CCDC60: variants seen among roughly 807,000 people sequenced by gnomAD.
CCDC60 encodes the protein coiled-coil domain containing 60, also known as coiled-coil domain-containing protein 60.
A neutral mutation model predicts 63.5 loss-of-function variants in CCDC60; 54 were observed. That is an observed-to-expected ratio of 0.85 (90% confidence interval 0.68 to 1.07). The LOEUF (loss-of-function observed/expected upper bound fraction) is 1.07, where lower values mean the gene tolerates loss of function less well. Among genes scored for constraint, CCDC60 ranks in the 50% least tolerant of loss-of-function variants. The pLI is 0.00. For synonymous variants in CCDC60, 206 were observed against 238.8 expected (o/e 0.86, Z 1.27); for missense variants, 651 against 684.3 (o/e 0.95, Z 0.54).
chr12:119,417,309 G>A (rs1247851656), intron 1 of CCDC60, among the ~76,000 whole-genome samples: 2 of 152,230 alleles, frequency 1.3e-5, no homozygotes, highest in East Asian at 1.9e-4. Context: ...AACAAATAGC[G>A]ATTTGGTCCC....
In CCDC60 at chr12:119,528,725, C is replaced by G. The variant is rs771471436; in HGVS notation, c.1340C>G (p.Ala447Gly). 1.9e-6 allele frequency: 3 copies of G among 1,613,524 alleles called. No homozygotes were observed. The highest frequency in any genetic ancestry group is 2.5e-6 in the Non-Finnish European group (3 of 1,179,744). Residue 447 changes from alanine (A) to glycine (G), a missense_variant, in exon 12 of 14, where the codon GCA (alanine) becomes GGA (glycine). Physicochemically the swap from Ala to Gly is moderately conservative, Grantham distance 60. Transcript: ENST00000327554. ...RHHISVVKGDAEEIADHWYFD... is the reference protein window; with the variant it reads ...RHHISVVKGDGEEIADHWYFD... ...CACATATCTGTAGTAAAAGGAGATG[C>G]AGAAGAAATTGCAGACCACTGGTAA...
rs867985313 is a variant in CCDC60, at chr12:119,431,706, T to C, written c.170+2944T>C. On this transcript the variant is annotated intron_variant, in intron 2 of 13. Transcript: ENST00000327554. ...GTTTGTTTTTTGTTTTGAGACAGAGTCTCGCTCTGTTGCCCAGGCTGGCGT... is the reference window on the plus strand; with the variant it reads ...GTTTGTTTTTTGTTTTGAGACAGAGCCTCGCTCTGTTGCCCAGGCTGGCGT... 3.9e-5 allele frequency among the ~76,000 whole-genome samples: 6 copies of C among 152,270 alleles called. No homozygotes were observed. In the South Asian group the frequency reaches 1.2e-3, roughly 32 times the overall value.
intron 1 of CCDC60, among the ~76,000 whole-genome samples, chr12:119,425,561 A>G (rs1338937932): frequency 1.3e-5 from 2 of 152,224 alleles, no homozygotes; most frequent in Non-Finnish European, 2.9e-5. Context: ...TGAAAAGTCA[A>G]GATTCCAGTG....
intron 1 of CCDC60, among the ~76,000 whole-genome samples, chr12:119,398,689 A>G (rs1204241068): frequency 6.6e-6 from 1 of 152,254 alleles, no homozygotes; most frequent in Non-Finnish European, 1.5e-5. Context: ...GTGGTCATGG[A>G]CACACTATTA....
rs1952195977 is a variant in CCDC60, at chr12:119,510,751, G to C, written c.883+5448G>C. On this transcript the variant is annotated intron_variant, in intron 7 of 13. Coordinates refer to ENST00000327554, the MANE Select transcript of CCDC60 (RefSeq NM_178499.5). ...ACTTCATAATCCACTATGGCTGCCAGAACTCCAGCCGTCACACTCACATTC... is the reference window on the plus strand; with the variant it reads ...ACTTCATAATCCACTATGGCTGCCACAACTCCAGCCGTCACACTCACATTC... 2.0e-5 allele frequency among the ~76,000 whole-genome samples: 3 copies of C among 152,196 alleles called. No individual in the cohort carries two copies. In the South Asian group the frequency reaches 6.2e-4, roughly 32 times the overall value.
At chr12:119,360,671 A>G (rs12369461) in intron 1 of CCDC60, among the ~76,000 whole-genome samples, 99,304 of 148,996 alleles carry the variant, frequency 0.67, 32,921 homozygotes, top group East Asian at 0.83. Context: ...GGGCAGAGAC[A>G]CTCCTCACTT....
chr12:119,522,848 TG>T, intron 9 of CCDC60, 90 bp from the exon 10 acceptor site: 2 of 1,114,816 alleles, frequency 1.8e-6, no homozygotes, highest in Non-Finnish European at 2.8e-6. Context: ...GCCTGAATCC[TG>T]GAAGCTAGCA....
At chr12:119,431,809 G>A (rs1950234369) in intron 2 of CCDC60, among the ~76,000 whole-genome samples, 1 of 152,190 alleles carries the variant, frequency 6.6e-6, no homozygotes, top group Admixed American at 6.5e-5. Context: ...CTCCTGAGTA[G>A]CTGGGACTAC....
intron 1 of CCDC60, among the ~76,000 whole-genome samples, chr12:119,401,102 G>C (rs1348068310): frequency 6.6e-6 from 1 of 152,164 alleles, no homozygotes; most frequent in Non-Finnish European, 1.5e-5. Flanking sequence ...GTTACTTTCA[G>C]CTCAAAGACA....
At chr12:119,440,757 T>G (rs1221582475) in intron 2 of CCDC60, among the ~76,000 whole-genome samples, 1 of 152,084 alleles carries the variant, frequency 6.6e-6, no homozygotes, top group Non-Finnish European at 1.5e-5. Context: ...CAAAGAGACC[T>G]TGGCCAATCC....
intron 1 of CCDC60, among the ~76,000 whole-genome samples, chr12:119,390,049 G>T (rs960353263): frequency 5.9e-5 from 9 of 152,014 alleles, no homozygotes; most frequent in Non-Finnish European, 8.8e-5. Flanking sequence ...AAATAAATAG[G>T]TCATCAAATC....
rs1372042951 is a variant in CCDC60 at position 119,420,470 on chromosome 12, C to T, written c.91-8213C>T. Among the ~76,000 whole-genome samples the T allele has an allele frequency of 6.6e-6, 1 of 152,130 alleles. No individual in the cohort carries two copies. The highest frequency in any genetic ancestry group is 2.1e-4 in the South Asian group (1 of 4,818). On this transcript the variant is annotated intron_variant, in intron 1 of 13. Transcript: ENST00000327554. The surrounding 1 kb of genome is among the most constrained non-coding windows in gnomAD (Gnocchi z 4.1). ...GTGAAACAAGCCAGACACAGAAAGA[C>T]AAACATCACATGTTCTCACTTATTT...
chr12:119,489,353 G>T (rs569717948), intron 5 of CCDC60, among the ~76,000 whole-genome samples: 1 of 151,156 alleles, frequency 6.6e-6, no homozygotes, highest in Non-Finnish European at 1.5e-5. Context: ...TTTTGCTTTG[G>T]TCTTTTTGTT....
chr12:119,402,542 C>T (rs1956411042), intron 1 of CCDC60: 1 of 152,208 alleles, frequency 6.6e-6, no homozygotes, highest in Non-Finnish European at 1.5e-5. Context: ...CTCTCTGGAC[C>T]TGTTTTCTCA....
At chr12:119,434,351 T>C (rs1366782479) in intron 2 of CCDC60, among the ~76,000 whole-genome samples, 2 of 152,220 alleles carry the variant, frequency 1.3e-5, no homozygotes, top group East Asian at 3.8e-4. Flanking sequence ...TCATTTTTTT[T>C]TGACAAATGT....
intron 3 of CCDC60, among the ~76,000 whole-genome samples, chr12:119,475,754 C>A (rs1951163443): frequency 6.6e-6 from 1 of 152,104 alleles, no homozygotes; most frequent in African/African-American, 2.4e-5. Flanking sequence ...TAAATGGTAC[C>A]AAACTCCCAA....
intron 1 of CCDC60, among the ~76,000 whole-genome samples, chr12:119,412,642 C>T (rs1956623677): frequency 6.6e-6 from 1 of 152,136 alleles, no homozygotes; most frequent in African/African-American, 2.4e-5. Context: ...TGGGTGACCT[C>T]TGGCAAGTTA....
intron 2 of CCDC60, among the ~76,000 whole-genome samples, chr12:119,437,246 T>G (rs784859): frequency 0.57 from 87,212 of 151,962 alleles, 25,322 homozygotes; most frequent in East Asian, 0.75. Flanking sequence ...AAACTAATAA[T>G]TGCATTGAAA....
intron 7 of CCDC60, among the ~76,000 whole-genome samples, chr12:119,510,795 A>G (rs771800400): frequency 7.2e-5 from 11 of 152,150 alleles, no homozygotes; most frequent in Non-Finnish European, 1.5e-4. Context: ...AAGAAAAAGG[A>G]AGTAAGCAAA....
Sources: gnomAD v4.1 joint callset for allele counts (sites outside exome capture counted in the v4.1 genomes callset) on GRCh38, gnomAD v4.1.1 for gene constraint, Gnocchi (gnomAD v3.1) non-coding constraint, MANE v1.5 for transcripts, NCBI Gene and HGNC (gene_info 2026-07-23, HGNC 2026-07-21) for gene names.